Variants in SEPTIN9 observed in about 807,000 individuals in gnomAD.
The protein encoded by SEPTIN9 is septin 9, also known as septin-9.
A neutral mutation model predicts 56.6 loss-of-function variants in SEPTIN9; 13 were observed. That is an observed-to-expected ratio of 0.23 (90% CI 0.15 to 0.37). The LOEUF is 0.37. Ranked by LOEUF, SEPTIN9 falls within the 10% of genes least tolerant of loss-of-function variation. The pLI is 1.00. For synonymous variants in SEPTIN9, 332 were observed against 334.1 expected (o/e 0.99, Z 0.07); for missense variants, 650 against 823.1 (o/e 0.79, Z 2.57).
chr17:77,477,070 C>T (rs373527565), intron 3 of SEPTIN9, among the ~76,000 whole-genome samples: 2 of 151,992 alleles, frequency 1.3e-5, no homozygotes, highest in South Asian at 2.1e-4. Flanking sequence ...TCCCTTCTTC[C>T]GTCCCTCCCT....
chr17:77,442,689 A>G (rs889332404), intron 3 of SEPTIN9, among the ~76,000 whole-genome samples: 11 of 150,522 alleles, frequency 7.3e-5, no homozygotes, highest in African/African-American at 2.4e-4. Flanking sequence ...CCTGGCCAAC[A>G]TGGTGAAACC....
At chr17:77,347,662 T>A (rs564125165) in intron 2 of SEPTIN9, among the ~76,000 whole-genome samples, 1 of 152,040 alleles carries the variant, frequency 6.6e-6, no homozygotes, top group East Asian at 2.0e-4. Flanking sequence ...GAGAGGCTTA[T>A]GGAGAAACTT....
intron 2 of SEPTIN9, among the ~76,000 whole-genome samples, chr17:77,355,690 A>G (rs1256705267): frequency 1.3e-5 from 2 of 152,010 alleles, no homozygotes; most frequent in Non-Finnish European, 2.9e-5. Flanking sequence ...GAGGTCTTAG[A>G]AGTGCTCCCT....
chr17:77,470,231 C>T (rs1292161909), intron 3 of SEPTIN9, among the ~76,000 whole-genome samples: 1 of 151,116 alleles, frequency 6.6e-6, no homozygotes, highest in Non-Finnish European at 1.5e-5. Flanking sequence ...TCTATCCACC[C>T]ATGTATCCAT....
intron 2 of SEPTIN9, among the ~76,000 whole-genome samples, chr17:77,360,749 A>G (rs1311393948): frequency 6.6e-6 from 1 of 151,922 alleles, no homozygotes; most frequent in African/African-American, 2.4e-5. Context: ...TATTTTTAGT[A>G]GAGACGGGGT....
chr17:77,424,550 G>A lies in SEPTIN9; in HGVS notation c.721+21847G>A, dbSNP rs111319356. ...TTGACCTTCAAGGTACCCCTTGAGGGTAGCATGAGGCTAAGCTCTTGTTCT... is the reference window on the plus strand; with the variant it reads ...TTGACCTTCAAGGTACCCCTTGAGGATAGCATGAGGCTAAGCTCTTGTTCT... On this transcript the variant is annotated intron_variant, in intron 3 of 11. Coordinates refer to ENST00000427177, the MANE Select transcript of SEPTIN9 (RefSeq NM_001113491.2). Among the ~76,000 whole-genome samples, 818 of 152,332 alleles carry A rather than the reference G, an allele frequency of 5.4e-3. 10 individuals carry two copies. Among genetic ancestry groups the A allele is most frequent in the South Asian group, 0.047 (229 of 4,830 alleles).
Position 77,326,201 on chromosome 17 carries a change from C to T in SEPTIN9, c.76+19004C>T, listed in dbSNP as rs1245562561. On this transcript the variant is annotated intron_variant, in intron 2 of 11. Transcript: ENST00000427177. The surrounding 1 kb of genome is among the most constrained non-coding windows in gnomAD (Gnocchi z 5.1). Reference sequence around the variant, plus strand: ...CCCCCAACATGACAAAATAAACCTCCCTTGCCGGTCACTCATTCATTCATT... The same window carrying T: ...CCCCCAACATGACAAAATAAACCTCTCTTGCCGGTCACTCATTCATTCATT... Among the ~76,000 whole-genome samples, 1 of 152,226 alleles carries T rather than the reference C, an allele frequency of 6.6e-6. No individual in the cohort carries two copies. Among genetic ancestry groups the T allele is most frequent in the Non-Finnish European group, 1.5e-5 (1 of 68,046 alleles).
chr17:77,319,956 C>T lies in SEPTIN9; in HGVS notation c.76+12759C>T, dbSNP rs779080797. 28 of 1,167,568 alleles carry T rather than the reference C, an allele frequency of 2.4e-5. No individual in the cohort carries two copies. The highest frequency in any genetic ancestry group is 4.3e-5 in the Admixed American group (1 of 23,374). The allele number at this position is 1,167,568 out of a possible 1,614,324, so 72.3% of individuals were successfully genotyped here. On this transcript the variant is annotated intron_variant, in intron 2 of 11. Coordinates refer to ENST00000427177, the MANE Select transcript of SEPTIN9 (RefSeq NM_001113491.2). The surrounding 1 kb of genome is among the most constrained non-coding windows in gnomAD (Gnocchi z 5.3). ...CTCTGCAGCCACCGACCAGACCGGG[C>T]GGCCGGGACTCTGGGACTCTCGCAG...
At chr17:77,324,354 A>T (rs2033053478) in intron 2 of SEPTIN9, among the ~76,000 whole-genome samples, 1 of 152,204 alleles carries the variant, frequency 6.6e-6, no homozygotes, top group Non-Finnish European at 1.5e-5. Flanking sequence ...GTCTGGATGC[A>T]CAGCATGGTT....
At chr17:77,295,180 A>C (rs560569574) in intron 1 of SEPTIN9, among the ~76,000 whole-genome samples, 1 of 152,256 alleles carries the variant, frequency 6.6e-6, no homozygotes, top group African/African-American at 2.4e-5. Context: ...CCATTTTGTA[A>C]ATTTTACAAA....
rs543175958 is a variant in SEPTIN9 at position 77,420,149 on chromosome 17, G to A, written c.721+17446G>A. Among the ~76,000 whole-genome samples the A allele has an allele frequency of 9.2e-5, 14 of 152,322 alleles. No homozygotes were observed. The East Asian group carries it at 1.2e-3, about 13-fold the overall frequency. Reference sequence around the variant, plus strand: ...CCAGTCCCGTGTCTCCTGGGAGGGCGACAGCCTGGTCAGGCTGCAGGGCAG... The same window carrying A: ...CCAGTCCCGTGTCTCCTGGGAGGGCAACAGCCTGGTCAGGCTGCAGGGCAG... On this transcript the variant is annotated intron_variant, in intron 3 of 11. Coordinates refer to ENST00000427177, the MANE Select transcript of SEPTIN9 (RefSeq NM_001113491.2).
chr17:77,459,163 C>CTT (rs1421071367), intron 3 of SEPTIN9, among the ~76,000 whole-genome samples: 4 of 152,252 alleles, frequency 2.6e-5, no homozygotes, highest in Admixed American at 2.0e-4. Context: ...CTGATTCCTG[C>CTT]TTCCTGCCCG....
At chr17:77,373,763 G>C (rs1392094102) in intron 2 of SEPTIN9, 17 of 924,664 alleles carry the variant, frequency 1.8e-5, no homozygotes, top group Non-Finnish European at 2.5e-5. Context: ...AGGGGCACCC[G>C]CGTAGACCCT....
chr17:77,287,343 G>C (rs1040485546), intron 1 of SEPTIN9, among the ~76,000 whole-genome samples: 8 of 152,244 alleles, frequency 5.3e-5, no homozygotes, highest in African/African-American at 1.9e-4. Flanking sequence ...AGTTGTGCCT[G>C]GGCCCCGGGA....
intron 3 of SEPTIN9, among the ~76,000 whole-genome samples, chr17:77,452,899 G>A (rs949900453): frequency 6.7e-6 from 1 of 149,864 alleles, no homozygotes; most frequent in African/African-American, 2.5e-5. Flanking sequence ...TGGAAAGGTG[G>A]GATTCTTGTT....
At chr17:77,395,983 C>T (rs916688454) in intron 2 of SEPTIN9, among the ~76,000 whole-genome samples, 2 of 152,160 alleles carry the variant, frequency 1.3e-5, no homozygotes, top group African/African-American at 4.8e-5. Context: ...AGCACATGAA[C>T]GGTCTTCAGG....
chr17:77,391,589 A>G (rs2035541037), intron 2 of SEPTIN9, among the ~76,000 whole-genome samples: 1 of 152,206 alleles, frequency 6.6e-6, no homozygotes, highest in South Asian at 2.1e-4. Flanking sequence ...TCCAAATGTG[A>G]TCATGTTCGC....
In SEPTIN9 at chr17:77,327,376, G is replaced by GC. The variant is rs1490441048; in HGVS notation, c.76+20184dup. Among the ~76,000 whole-genome samples, 1 of 152,144 alleles carries GC rather than the reference G, an allele frequency of 6.6e-6. No individual in the cohort carries two copies. The highest frequency in any genetic ancestry group is 1.5e-5 in the Non-Finnish European group (1 of 68,022). On this transcript the variant is annotated intron_variant, in intron 2 of 11. Coordinates refer to ENST00000427177, the MANE Select transcript of SEPTIN9 (RefSeq NM_001113491.2). This position sits in a 1 kb window ranked among gnomAD's most constrained non-coding sequence, Gnocchi z 5.0. ...GAGCTTCTGAAGCCGCTCGCTGTGT[G>GC]CCCCCGCCTGGCCCCATGCATCCCG...
intron 2 of SEPTIN9, among the ~76,000 whole-genome samples, chr17:77,358,597 C>G (rs1166443950): frequency 6.6e-6 from 1 of 152,124 alleles, no homozygotes; most frequent in Admixed American, 6.5e-5. Flanking sequence ...CGAGATCGCA[C>G]CACTCCTCTC....
Sources: allele counts gnomAD v4.1 joint callset (sites outside exome capture counted in the v4.1 genomes callset), GRCh38; gene constraint gnomAD v4.1.1; non-coding constraint Gnocchi (gnomAD v3.1); transcripts MANE v1.5; gene names NCBI Gene and HGNC (gene_info 2026-07-23, HGNC 2026-07-21).